The following SIL1 variants were observed in gnomAD, a reference collection of about 807,000 sequenced individuals.
SIL1 encodes the protein SIL1 nucleotide exchange factor, also known as nucleotide exchange factor SIL1.
In SIL1, 40 loss-of-function variants were observed where a neutral mutation model predicts 49.1. The ratio of observed to expected loss-of-function variants is 0.81; its 90% CI spans 0.63 to 1.06. The LOEUF (loss-of-function observed/expected upper bound fraction) is 1.06, where lower values mean the gene tolerates loss of function less well. SIL1 is among the 50% of genes least tolerant of loss of function. SIL1 has a pLI of 0.00. For missense variants in SIL1, 500 were observed against 572.6 expected, an observed-to-expected ratio of 0.87 and a Z score of 1.29; for synonymous variants, 253 against 250.8, an observed-to-expected ratio of 1.01 and a Z score of -0.08.
At position 138,987,121 on chromosome 5, in the gene SIL1, TTTTATTTTA is replaced by T. The variant is rs1395345046; in HGVS notation, c.767+34041_767+34049del. Among the ~76,000 whole-genome samples the T allele has an allele frequency of 2.2e-4, 33 of 151,020 alleles. 1 individual carries two copies. Among genetic ancestry groups the T allele is most frequent in the Non-Finnish European group, 3.5e-4 (24 of 67,846 alleles). Reference sequence around the variant, plus strand: ...TTTTATTTTATTTTATTTTATTTTATTTTATTTTATTTATTTTGAGACAGGGCCTGGCTC... The same window carrying T: ...TTTTATTTTATTTTATTTTATTTTATTTTATTTTGAGACAGGGCCTGGCTC... On this transcript the variant is annotated intron_variant, in intron 7 of 9. Coordinates refer to ENST00000394817, the MANE Select transcript of SIL1 (RefSeq NM_022464.5).
intron 1 of SIL1, among the ~76,000 whole-genome samples, chr5:139,160,111 G>A (rs1751480469): frequency 1.3e-5 from 2 of 150,032 alleles, no homozygotes; most frequent in Non-Finnish European, 3.0e-5. Flanking sequence ...GCCTAACTGT[G>A]CATTTTACCC....
intron 3 of SIL1, among the ~76,000 whole-genome samples, chr5:139,111,910 T>G (rs1770851944): frequency 6.6e-6 from 1 of 152,210 alleles, no homozygotes; most frequent in Admixed American, 6.5e-5. Flanking sequence ...AGCTGGACTG[T>G]ACTGCTGCCA....
At position 139,055,673 on chromosome 5, in the gene SIL1, C is replaced by A. The variant is rs1158975889; in HGVS notation, c.245-4627G>T. ...CCCCACGGTCTCCCTCTCCCTCTCC[C>A]CACGGTCTCCCTCTCCCTCTCTTTC... On this transcript the variant is annotated intron_variant, in intron 3 of 9. Coordinates refer to ENST00000394817, the MANE Select transcript of SIL1 (RefSeq NM_022464.5). 2.8e-5 allele frequency among the ~76,000 whole-genome samples: 4 copies of A among 141,122 alleles called. No homozygotes were observed. In the East Asian group the frequency reaches 8.5e-4, roughly 30 times the overall value. The allele number at this position is 141,122 out of a possible 152,430, so 92.6% of individuals were successfully genotyped here. A position where few individuals can be genotyped will look rare whatever the true frequency, so the allele number is the denominator to read the frequency against.
rs774006454 is a variant in SIL1 at position 139,090,361 on chromosome 5, G to A, written c.244+30674C>T. Among the ~76,000 whole-genome samples, 10 of 152,078 alleles carry A rather than the reference G, an allele frequency of 6.6e-5. No homozygotes were observed. The South Asian group carries it at 2.1e-3, about 32-fold the overall frequency. On this transcript the variant is annotated intron_variant, in intron 3 of 9. Coordinates refer to ENST00000394817, the MANE Select transcript of SIL1 (RefSeq NM_022464.5). The stretch of plus-strand genomic sequence containing the variant: ...CTCAGGATGCTCTTGATTCTCTTCT[G>A]GGGCTCATCAGTTCTCATGTCTCCA...
chr5:139,196,804 C>G (rs1024646808), intron 1 of SIL1, among the ~76,000 whole-genome samples: 1 of 152,134 alleles, frequency 6.6e-6, no homozygotes, highest in Admixed American at 6.5e-5. Flanking sequence ...AAGTTCTGAC[C>G]CATGTTATAC....
chr5:139,120,693 G>A (rs1003058702), intron 3 of SIL1, among the ~76,000 whole-genome samples: 6 of 152,162 alleles, frequency 3.9e-5, no homozygotes, highest in Non-Finnish European at 5.9e-5. Context: ...GCACTGAGCC[G>A]AGCAGCAGAG....
intron 9 of SIL1, among the ~76,000 whole-genome samples, chr5:138,949,504 C>A (rs1766714578): frequency 6.6e-6 from 1 of 152,190 alleles, no homozygotes; most frequent in Non-Finnish European, 1.5e-5. Context: ...CCTAGCTTGG[C>A]TAGGTCTTCA....
At chr5:139,085,817 A>T (rs981903264) in intron 3 of SIL1, among the ~76,000 whole-genome samples, 12 of 152,174 alleles carry the variant, frequency 7.9e-5, no homozygotes, top group Admixed American at 3.9e-4. Flanking sequence ...CATGGCAATG[A>T]GGGCTCGAGC....
chr5:139,078,491 G>A (rs6596460), intron 3 of SIL1, among the ~76,000 whole-genome samples: 49,824 of 151,966 alleles, frequency 0.33, 8,211 homozygotes, highest in Middle Eastern at 0.43. Flanking sequence ...GATCCTTTAG[G>A]TTTCACCAGA....
At chr5:139,025,267 A>AAAC (rs1297582239) in intron 6 of SIL1, among the ~76,000 whole-genome samples, 3 of 152,156 alleles carry the variant, frequency 2.0e-5, no homozygotes, top group African/African-American at 7.2e-5. Flanking sequence ...TGCCTTTGAG[A>AAAC]AACAGAGTGG....
chr5:138,949,591 T>C (rs1766715877), intron 9 of SIL1, among the ~76,000 whole-genome samples: 1 of 151,858 alleles, frequency 6.6e-6, no homozygotes, highest in Non-Finnish European at 1.5e-5. Flanking sequence ...GAGGCAGGAC[T>C]GCTTGAGCCC....
intron 4 of SIL1, among the ~76,000 whole-genome samples, chr5:139,047,050 G>C (rs144052467): frequency 6.6e-6 from 1 of 152,292 alleles, no homozygotes; most frequent in East Asian, 1.9e-4. Flanking sequence ...TAAATAAATG[G>C]AGGAAGTAAA....
At chr5:139,169,226 G>C (rs1405233361) in intron 1 of SIL1, among the ~76,000 whole-genome samples, 2 of 152,148 alleles carry the variant, frequency 1.3e-5, no homozygotes, top group Non-Finnish European at 2.9e-5. Context: ...ATGCCCAGGG[G>C]AAAGTGCAGG....
At chr5:139,059,803 C>T (rs1769544415) in intron 3 of SIL1, among the ~76,000 whole-genome samples, 1 of 152,012 alleles carries the variant, frequency 6.6e-6, no homozygotes, top group Non-Finnish European at 1.5e-5. Flanking sequence ...GTTCAGATTC[C>T]AATCTAATAC....
intron 8 of SIL1, among the ~76,000 whole-genome samples, chr5:138,951,569 G>A (rs955436700): frequency 6.6e-6 from 1 of 152,254 alleles, no homozygotes; most frequent in African/African-American, 2.4e-5. Flanking sequence ...GAGGCCAGGA[G>A]TAGGGCCCAA....
intron 3 of SIL1, among the ~76,000 whole-genome samples, chr5:139,112,558 C>T (rs1770882905): frequency 1.3e-5 from 2 of 151,144 alleles, no homozygotes; most frequent in South Asian, 2.1e-4. Flanking sequence ...GTGAGGAGCC[C>T]CTCCGCCCGG....
In SIL1 at chr5:139,134,140, C is replaced by T. The variant is rs183767172; in HGVS notation, c.-10-6287G>A. ...TAGTTGTTTTGTTTGTTTTCTGAGA[C>T]AGGGCCTCACTCTGTCACCCAGGCT... On this transcript the variant is annotated intron_variant, in intron 1 of 9. Transcript: ENST00000394817. 2.0e-5 allele frequency among the ~76,000 whole-genome samples: 3 copies of T among 152,252 alleles called. 1 individual carries two copies. The highest frequency in any genetic ancestry group is 1.3e-4 in the Admixed American group (2 of 15,302).
chr5:138,989,917 G>A (rs940075764), intron 7 of SIL1, among the ~76,000 whole-genome samples: 1 of 152,144 alleles, frequency 6.6e-6, no homozygotes, highest in Non-Finnish European at 1.5e-5. Context: ...TGGCTCTGTG[G>A]TCTTGAACAA....
chr5:139,029,468 T>C (rs187839206), intron 5 of SIL1, among the ~76,000 whole-genome samples: 4 of 152,282 alleles, frequency 2.6e-5, no homozygotes, highest in Admixed American at 2.6e-4. Context: ...GAAAGATGTA[T>C]GATAATTAGC....
Sources: gnomAD v4.1 joint callset for allele counts (sites outside exome capture counted in the v4.1 genomes callset) on GRCh38, gnomAD v4.1.1 for gene constraint, MANE v1.5 for transcripts, NCBI Gene and HGNC (gene_info 2026-07-23, HGNC 2026-07-21) for gene names.